Variants in CAMK1D observed in about 807,000 individuals in gnomAD.
CAMK1D encodes calcium/calmodulin dependent protein kinase ID, also known as calcium/calmodulin-dependent protein kinase type 1D.
A neutral mutation model predicts 47.7 loss-of-function variants in CAMK1D; 9 were observed. That is an observed-to-expected ratio of 0.19 (90% CI 0.11 to 0.33). The LOEUF is 0.33. Among genes scored for constraint, CAMK1D ranks in the 10% least tolerant of loss-of-function variants. The probability of loss-of-function intolerance (pLI) is 1.00; values close to 1 mark genes in which losing one functional copy is unlikely to be tolerated. For missense variants in CAMK1D, 291 were observed against 488.7 expected (o/e 0.60, Z 3.81); for synonymous variants, 184 against 184.9 (o/e 0.99, Z 0.04).
At chr10:12,583,489 G>A (rs556740019) in intron 2 of CAMK1D, among the ~76,000 whole-genome samples, 57 of 152,310 alleles carry the variant, frequency 3.7e-4, no homozygotes, top group African/African-American at 1.3e-3. Flanking sequence ...TGAGTGAATA[G>A]GGTTGAGTGT....
intron 1 of CAMK1D, among the ~76,000 whole-genome samples, chr10:12,552,989 C>T (rs756280528): frequency 3.9e-4 from 60 of 152,092 alleles, no homozygotes; most frequent in Non-Finnish European, 7.8e-4. Context: ...GTGGTCTGCC[C>T]GCCTTGGCCT....
chr10:12,380,262 C>A (rs1170044926), intron 1 of CAMK1D, among the ~76,000 whole-genome samples: 21 of 152,142 alleles, frequency 1.4e-4, no homozygotes. Context: ...CAGGTGAAAC[C>A]CTTTTTCCTT....
intron 1 of CAMK1D, among the ~76,000 whole-genome samples, chr10:12,545,487 T>C (rs1186248729): frequency 7.8e-6 from 1 of 127,884 alleles, no homozygotes; most frequent in African/African-American, 2.9e-5. Flanking sequence ...GGAGGAAATA[T>C]ACCATCTGGG....
At chr10:12,686,585 A>G (rs1427479157) in intron 3 of CAMK1D, among the ~76,000 whole-genome samples, 3 of 152,146 alleles carry the variant, frequency 2.0e-5, no homozygotes, top group Non-Finnish European at 4.4e-5. Flanking sequence ...CGGCCTCCCA[A>G]AGTGCTGGGA....
Position 12,668,809 on chromosome 10 carries a change from AAAACC to A in CAMK1D, c.299+2002_299+2006del, listed in dbSNP as rs1840515131. Among the ~76,000 whole-genome samples, 3 of 152,308 alleles carry A rather than the reference AAAACC, an allele frequency of 2.0e-5. No homozygotes were observed. In the South Asian group the frequency reaches 6.2e-4, roughly 32 times the overall value. On this transcript the variant is annotated intron_variant, in intron 3 of 10. Coordinates refer to ENST00000619168, the MANE Select transcript of CAMK1D (RefSeq NM_153498.4). ...ATAAAAACATAAAAATGTCTGGAAC[AAAACC>A]AACCTCAGAACAAAGCCTGGAAGTC...
At chr10:12,527,992 C>G (rs1835681663) in intron 1 of CAMK1D, among the ~76,000 whole-genome samples, 1 of 152,158 alleles carries the variant, frequency 6.6e-6, no homozygotes, top group South Asian at 2.1e-4. Flanking sequence ...CCATTAATAG[C>G]AACAACGAGT....
intron 8 of CAMK1D, among the ~76,000 whole-genome samples, chr10:12,823,875 C>A (rs555954897): frequency 2.8e-4 from 43 of 151,926 alleles, no homozygotes; most frequent in African/African-American, 1.0e-3. Context: ...CAGGTGTTGC[C>A]AAGCAGAATG....
intron 2 of CAMK1D, among the ~76,000 whole-genome samples, chr10:12,591,044 G>A (rs1383362016): frequency 6.6e-6 from 1 of 152,118 alleles, no homozygotes; most frequent in African/African-American, 2.4e-5. Context: ...TGAATTTGTG[G>A]CTCATTCATT....
At chr10:12,461,112 C>T (rs918220997) in intron 1 of CAMK1D, among the ~76,000 whole-genome samples, 4 of 152,180 alleles carry the variant, frequency 2.6e-5, no homozygotes, top group Non-Finnish European at 4.4e-5. Flanking sequence ...CTGCAGCCAG[C>T]CTGTGAGGAC....
intron 2 of CAMK1D, among the ~76,000 whole-genome samples, chr10:12,646,853 A>G (rs1003596689): frequency 2.0e-5 from 3 of 151,856 alleles, no homozygotes; most frequent in Non-Finnish European, 4.4e-5. Flanking sequence ...TTTAATTTTT[A>G]ATTTTGTTTG....
At chr10:12,546,094 C>T (rs569696454) in intron 1 of CAMK1D, among the ~76,000 whole-genome samples, 28 of 152,232 alleles carry the variant, frequency 1.8e-4, no homozygotes, top group Non-Finnish European at 2.6e-4. Context: ...GATTTGAACT[C>T]GATCCCATAG....
At chr10:12,411,349 C>T (rs1839649085) in intron 1 of CAMK1D, among the ~76,000 whole-genome samples, 1 of 152,140 alleles carries the variant, frequency 6.6e-6, no homozygotes, top group Non-Finnish European at 1.5e-5. Flanking sequence ...CATTGGTTCC[C>T]ATCTGTGTGG....
intron 3 of CAMK1D, among the ~76,000 whole-genome samples, chr10:12,722,718 T>C (rs1294990085): frequency 6.6e-6 from 1 of 152,186 alleles, no homozygotes; most frequent in Non-Finnish European, 1.5e-5. Flanking sequence ...CCATTTAAAC[T>C]TGAAGCTATA....
intron 1 of CAMK1D, among the ~76,000 whole-genome samples, chr10:12,367,062 G>A (rs1393591677): frequency 6.6e-6 from 1 of 152,114 alleles, no homozygotes; most frequent in Non-Finnish European, 1.5e-5. Flanking sequence ...GACAGATCCT[G>A]TCGCCAAGAT....
intron 5 of CAMK1D, among the ~76,000 whole-genome samples, chr10:12,771,942 G>A (rs959506195): frequency 2.6e-5 from 4 of 152,146 alleles, no homozygotes; most frequent in African/African-American, 9.7e-5. Flanking sequence ...GCTGAGGCAG[G>A]AGAATCGCTT....
chr10:12,542,507 C>T (rs536289038), intron 1 of CAMK1D, among the ~76,000 whole-genome samples: 3 of 152,216 alleles, frequency 2.0e-5, no homozygotes, highest in Non-Finnish European at 2.9e-5. Context: ...ATAATTTCAC[C>T]GAGTGGTTGG....
chr10:12,552,860 G>C (rs556905111), intron 1 of CAMK1D, among the ~76,000 whole-genome samples: 4 of 152,284 alleles, frequency 2.6e-5, no homozygotes, highest in African/African-American at 7.2e-5. Context: ...TCCTGCCTCA[G>C]CCTCCCAAGT....
At chr10:12,765,492 C>T (rs1243625977) in intron 4 of CAMK1D, among the ~76,000 whole-genome samples, 4 of 152,190 alleles carry the variant, frequency 2.6e-5, no homozygotes, top group Non-Finnish European at 5.9e-5. Flanking sequence ...CCTTTGAGTC[C>T]TCTTTCTGAT....
intron 1 of CAMK1D, among the ~76,000 whole-genome samples, chr10:12,528,203 A>G (rs2768461): frequency 0.54 from 81,612 of 152,104 alleles, 22,005 homozygotes; most frequent in South Asian, 0.69. Flanking sequence ...TCTAGGCTGT[A>G]TGGCTCAAAA....
Sources: allele counts gnomAD v4.1 joint callset (sites outside exome capture counted in the v4.1 genomes callset), GRCh38; gene constraint gnomAD v4.1.1; transcripts MANE v1.5; gene names NCBI Gene and HGNC (gene_info 2026-07-23, HGNC 2026-07-21).